Variants in TMEM132E observed in about 807,000 individuals in gnomAD.
TMEM132E encodes the protein transmembrane protein 132E.
Under a neutral mutation model 78.5 loss-of-function variants are expected in TMEM132E, and 49 were observed. That is an observed-to-expected ratio of 0.62 (90% confidence interval 0.50 to 0.79). TMEM132E has a LOEUF of 0.79. Ranked by LOEUF, TMEM132E falls within the 30% of genes least tolerant of loss-of-function variation. The pLI, the probability that TMEM132E is intolerant of heterozygous loss-of-function variation, is 0.00. For synonymous variants in TMEM132E, 715 were observed against 670.6 expected (o/e 1.07, Z -1.02); for missense variants, 1,403 against 1,470.9 (o/e 0.95, Z 0.75).
intron 1 of TMEM132E, among the ~76,000 whole-genome samples, chr17:34,591,364 G>A (rs1021374097): frequency 1.3e-5 from 2 of 151,308 alleles, no homozygotes; most frequent in Non-Finnish European, 2.9e-5. Context: ...GAGTGTAGTA[G>A]TATGATCACA....
At chr17:34,634,599 G>A (rs1907452269) in intron 6 of TMEM132E, among the ~76,000 whole-genome samples, 200 bp from the exon 7 acceptor site, 1 of 152,258 alleles carries the variant, frequency 6.6e-6, no homozygotes, top group Admixed American at 6.5e-5. Flanking sequence ...GTAGGGTCAA[G>A]AATGTACTTT....
intron 1 of TMEM132E, among the ~76,000 whole-genome samples, chr17:34,592,037 C>T (rs1342729482): frequency 1.3e-5 from 2 of 152,254 alleles, no homozygotes; most frequent in African/African-American, 4.8e-5. Context: ...CCAGGCCTTA[C>T]TGCTGGGAAG....
At chr17:34,634,200 G>A (rs1907442751) in intron 6 of TMEM132E, among the ~76,000 whole-genome samples, 4 of 152,156 alleles carry the variant, frequency 2.6e-5, no homozygotes, top group Admixed American at 2.6e-4. Flanking sequence ...TTTTTGCAAC[G>A]TGCACAGGCT....
chr17:34,581,279 A>G, intron 1 of TMEM132E, 136 bp downstream of exon 1: 1 of 828,922 alleles, frequency 1.2e-6, no homozygotes, highest in African/African-American at 1.8e-5. Flanking sequence ...CTCTGGCTGC[A>G]GCTCGAGTTA....
In TMEM132E at chr17:34,626,907, G is replaced by T; in HGVS notation, c.848G>T (p.Arg283Met). ...SISLFRPPPR[R>M]TLQEHRLDSN... Reference sequence around the variant, plus strand: ...AGCCTGTTCCGCCCGCCCCCCAGGAGGACCCTGCAGGAGCACAGGCTGGAC... The same window carrying T: ...AGCCTGTTCCGCCCGCCCCCCAGGATGACCCTGCAGGAGCACAGGCTGGAC... The change falls in exon 2 of 9, where the codon AGG becomes ATG. Residue 283 changes from arginine (R) to methionine (M), a missense_variant. Around this residue, in one of 3 missense-constraint regions of TMEM132E, gnomAD observed 511 missense variants for 499.0 expected, o/e 1.02. Transcript: ENST00000631683. 6.2e-7 allele frequency: 1 copy of T among 1,613,440 alleles called. No individual in the cohort carries two copies. Among genetic ancestry groups the T allele is most frequent in the Non-Finnish European group, 8.5e-7 (1 of 1,179,950 alleles).
rs1567707984 is a variant in TMEM132E at position 34,579,672 on chromosome 17, C to T, written c.-1405C>T. 6.4e-6 allele frequency: 1 copy of T among 156,370 alleles called. No individual in the cohort carries two copies. The highest frequency in any genetic ancestry group is 1.4e-5 in the Non-Finnish European group (1 of 70,904). 9.7% of individuals were successfully genotyped at this position (156,370 alleles called of 1,614,324 possible). A position where few individuals can be genotyped will look rare whatever the true frequency, so the allele number is the denominator to read the frequency against. On this transcript the variant is annotated 5_prime_UTR_variant, in exon 1 of 9. Transcript: ENST00000631683. ...CGTGCAACTGTGGCTTCCCCCACCT[C>T]CTCTTCCTTTTTGCTCCTCGATTCT...
chr17:34,627,139 T>TGGGTGGGGGGGTGGGGGGGG, intron 2 of TMEM132E, 82 bp downstream of exon 2: 2 of 571,564 alleles, frequency 3.5e-6, no homozygotes, highest in Non-Finnish European at 6.5e-6. Context: ...GGTTGGGGGG[T>TGGGTGGGGGGGTGGGGGGGG]GGGGGGACCT....
chr17:34,602,428 T>A (rs1226440051), intron 1 of TMEM132E, among the ~76,000 whole-genome samples: 2 of 152,190 alleles, frequency 1.3e-5, no homozygotes, highest in African/African-American at 4.8e-5. Context: ...AGAGGAAGGC[T>A]GCAGTAGGCC....
At chr17:34,611,529 C>A (rs1327997431) in intron 1 of TMEM132E, among the ~76,000 whole-genome samples, 2 of 152,118 alleles carry the variant, frequency 1.3e-5, no homozygotes, top group Non-Finnish European at 2.9e-5. Flanking sequence ...GTCAATCAAT[C>A]AATATCGTGC....
At chr17:34,593,374 A>G (rs1184401585) in intron 1 of TMEM132E, among the ~76,000 whole-genome samples, 1 of 152,232 alleles carries the variant, frequency 6.6e-6, no homozygotes, top group Non-Finnish European at 1.5e-5. Flanking sequence ...CTGCCTTGCC[A>G]GCAGCATATC....
At chr17:34,611,497 A>T (rs1906592562) in intron 1 of TMEM132E, among the ~76,000 whole-genome samples, 1 of 152,168 alleles carries the variant, frequency 6.6e-6, no homozygotes, top group Non-Finnish European at 1.5e-5. Flanking sequence ...AGAAGTGCTG[A>T]TGAAGCAGCA....
chr17:34,603,798 C>G (rs1295686690), intron 1 of TMEM132E, among the ~76,000 whole-genome samples: 1 of 152,202 alleles, frequency 6.6e-6, no homozygotes, highest in Admixed American at 6.5e-5. Context: ...CATCCCTGGC[C>G]ATCTCAGCCA....
Position 34,622,207 on chromosome 17 carries a change from T to C in TMEM132E, c.68-3920T>C, listed in dbSNP as rs139137128. ...CCACCAGTCTTACCTCTTCCCTCTC[T>C]AGCCACACCAGAACGCTTCCAGGGC... On this transcript the variant is annotated intron_variant, in intron 1 of 8. Transcript: ENST00000631683. Among the ~76,000 whole-genome samples, 837 of 152,294 alleles carry C rather than the reference T, an allele frequency of 5.5e-3. 5 individuals carry two copies. Among genetic ancestry groups the C allele is most frequent in the African/African-American group, 0.019 (802 of 41,564 alleles).
chr17:34,621,862 C>T (rs975100560), intron 1 of TMEM132E, among the ~76,000 whole-genome samples: 2 of 152,006 alleles, frequency 1.3e-5, no homozygotes, highest in African/African-American at 4.8e-5. Flanking sequence ...GTCTGGAGGG[C>T]ATAGGCACAC....
At chr17:34,631,473 T>C (rs771305820) in intron 5 of TMEM132E, among the ~76,000 whole-genome samples, 1 of 152,172 alleles carries the variant, frequency 6.6e-6, no homozygotes, top group Non-Finnish European at 1.5e-5. Context: ...CAAGGGGTAA[T>C]CAGAGAAGAT....
chr17:34,629,913 G>T, intron 4 of TMEM132E, 95 bp from the exon 5 acceptor site: 1 of 1,163,730 alleles, frequency 8.6e-7, no homozygotes, highest in Non-Finnish European at 1.1e-6. Context: ...CATCTGAGGA[G>T]TGGGGGGGGA....
At chr17:34,604,586 C>T (rs1314039729) in intron 1 of TMEM132E, among the ~76,000 whole-genome samples, 1 of 152,124 alleles carries the variant, frequency 6.6e-6, no homozygotes, top group Non-Finnish European at 1.5e-5. Context: ...CCTCTGCCCC[C>T]TCCCCCAACT....
intron 1 of TMEM132E, among the ~76,000 whole-genome samples, chr17:34,594,814 C>G (rs762019562): frequency 1.3e-5 from 2 of 152,176 alleles, no homozygotes; most frequent in Non-Finnish European, 2.9e-5. Context: ...GTTATCCAAG[C>G]TGGTCTTGAG....
intron 1 of TMEM132E, among the ~76,000 whole-genome samples, chr17:34,611,401 C>T (rs1906588969): frequency 6.6e-6 from 1 of 152,152 alleles, no homozygotes; most frequent in African/African-American, 2.4e-5. Flanking sequence ...CTTGGGTGGG[C>T]TTTTTCTCCT....
Sources: gnomAD v4.1 joint callset for allele counts (sites outside exome capture counted in the v4.1 genomes callset) on GRCh38, gnomAD v4.1.1 for gene constraint, gnomAD v4.1.1 regional missense constraint, MANE v1.5 for transcripts, NCBI Gene and HGNC (gene_info 2026-07-23, HGNC 2026-07-21) for gene names.